SGK3: variants seen among roughly 807,000 people sequenced by gnomAD.
The protein encoded by SGK3 is serum/glucocorticoid regulated kinase family member 3, also known as serine/threonine-protein kinase Sgk3.
A neutral mutation model predicts 68.5 loss-of-function variants in SGK3; 47 were observed. That is an observed-to-expected ratio of 0.69 (90% CI 0.54 to 0.87). The LOEUF (loss-of-function observed/expected upper bound fraction) is 0.87, where lower values mean the gene tolerates loss of function less well. SGK3 is among the 40% of genes least tolerant of loss of function. The pLI is 0.00. For synonymous variants in SGK3, 181 were observed against 189.1 expected (o/e 0.96, Z 0.35); for missense variants, 479 against 575.5 (o/e 0.83, Z 1.72).
intron 1 of SGK3, among the ~76,000 whole-genome samples, chr8:66,726,801 T>TAAAAAAAAA (rs560794837): frequency 7.4e-5 from 6 of 80,978 alleles, no homozygotes; most frequent in East Asian, 3.0e-4. Flanking sequence ...ACCCTGTCTG[T>TAAAAAAAAA]AAAAAAAAAA....
At position 66,723,184 on chromosome 8, in the gene SGK3, G is replaced by A. The variant is rs183885654; in HGVS notation, c.-122+10351G>A. Among the ~76,000 whole-genome samples the A allele has an allele frequency of 7.8e-4, 93 of 119,216 alleles. 1 individual carries two copies. The East Asian group carries it at 0.02, about 25-fold the overall frequency. 78.2% of individuals were successfully genotyped at this position (119,216 alleles called of 152,430 possible). A position where few individuals can be genotyped will look rare whatever the true frequency, so the allele number is the denominator to read the frequency against. ...GGGTCGGCTGGGCACAGCGACTTAC[G>A]CCTGTAATCCCAGCACTTTGGGAGG... On this transcript the variant is annotated intron_variant, in intron 1 of 16. Transcript: ENST00000521198.
intron 16 of SGK3, among the ~76,000 whole-genome samples, chr8:66,851,796 A>G (rs1810299164): frequency 2.0e-5 from 3 of 152,174 alleles, no homozygotes; most frequent in African/African-American, 7.2e-5. Flanking sequence ...ATTGTTAATA[A>G]TCATCAGTAG....
At chr8:66,741,562 T>C (rs1320103266) in intron 1 of SGK3, among the ~76,000 whole-genome samples, 1 of 151,532 alleles carries the variant, frequency 6.6e-6, no homozygotes, top group African/African-American at 2.4e-5. Flanking sequence ...AAAATAATAA[T>C]AATAATAATT....
intron 1 of SGK3, among the ~76,000 whole-genome samples, chr8:66,713,117 C>T (rs1355111772): frequency 1.3e-5 from 2 of 152,194 alleles, no homozygotes; most frequent in African/African-American, 2.4e-5. Context: ...ACTGGGAACG[C>T]CGAGCAGGGA....
chr8:66,746,868 A>C (rs1805669442), intron 1 of SGK3, among the ~76,000 whole-genome samples: 1 of 152,028 alleles, frequency 6.6e-6, no homozygotes, highest in Non-Finnish European at 1.5e-5. Context: ...CCTAAAAAAT[A>C]TATATTTTTT....
At chr8:66,741,395 CA>C (rs1805475559) in intron 1 of SGK3, among the ~76,000 whole-genome samples, 1 of 151,970 alleles carries the variant, frequency 6.6e-6, no homozygotes, top group Middle Eastern at 3.4e-3. Flanking sequence ...ACCAAAAATA[CA>C]AAAAGCTGCA....
At chr8:66,834,752 T>G (rs1809442321) in intron 8 of SGK3, among the ~76,000 whole-genome samples, 3 of 151,424 alleles carry the variant, frequency 2.0e-5, no homozygotes, top group African/African-American at 7.3e-5. Flanking sequence ...GCTAACACAG[T>G]GAAACCCCGT....
intron 15 of SGK3, among the ~76,000 whole-genome samples, chr8:66,847,927 G>A (rs913351229): frequency 1.4e-5 from 2 of 145,386 alleles, no homozygotes; most frequent in Admixed American, 1.4e-4. Context: ...TAGGGAATCT[G>A]CATGTTTGTT....
At chr8:66,792,475 A>G (rs1807505113) in intron 1 of SGK3, among the ~76,000 whole-genome samples, 1 of 152,208 alleles carries the variant, frequency 6.6e-6, no homozygotes, top group Non-Finnish European at 1.5e-5. Context: ...GCTGATATAT[A>G]TTTTAAATCA....
At chr8:66,761,092 G>A (rs1404821409) in intron 1 of SGK3, among the ~76,000 whole-genome samples, 2 of 151,956 alleles carry the variant, frequency 1.3e-5, no homozygotes, top group African/African-American at 4.8e-5. Context: ...CTTTATCAAG[G>A]ACATTCCTTT....
In SGK3 at chr8:66,808,154, C is replaced by A. The variant is rs551550673; in HGVS notation, c.253+3707C>A. On this transcript the variant is annotated intron_variant, in intron 4 of 16. Transcript: ENST00000521198. ...AGGCAAAAGGGGTGGAAGTTAGATG[C>A]CCTTGAATGAATTTTGTTCATACCT... 6.4e-4 allele frequency among the ~76,000 whole-genome samples: 98 copies of A among 152,144 alleles called. 2 individuals are homozygous for A. Among genetic ancestry groups the A allele is most frequent in the Admixed American group, 2.4e-3 (36 of 15,282 alleles).
chr8:66,761,821 A>C (rs757818380), intron 1 of SGK3, among the ~76,000 whole-genome samples: 1 of 152,196 alleles, frequency 6.6e-6, no homozygotes, highest in Non-Finnish European at 1.5e-5. Flanking sequence ...CCTTTTTATT[A>C]TATAAAATTT....
chr8:66,718,768 T>G (rs1385999932), intron 1 of SGK3, among the ~76,000 whole-genome samples: 1 of 152,010 alleles, frequency 6.6e-6, no homozygotes, highest in African/African-American at 2.4e-5. Flanking sequence ...CCTCAGATAA[T>G]CCGCCCACCT....
intron 1 of SGK3, among the ~76,000 whole-genome samples, chr8:66,744,509 ATATATATATATTTT>A (rs1805578277): frequency 4.0e-5 from 1 of 25,082 alleles, no homozygotes; most frequent in Non-Finnish European, 6.7e-5. Flanking sequence ...ATATATATAT[ATATATATATATTTT>A]TTTTTTTTTT....
At chr8:66,785,640 G>C (rs981798553) in intron 1 of SGK3, among the ~76,000 whole-genome samples, 1 of 152,106 alleles carries the variant, frequency 6.6e-6, no homozygotes, top group Admixed American at 6.6e-5. Flanking sequence ...ATTGGCCCCC[G>C]ATGAGAACCA....
At chr8:66,782,638 C>T (rs1807037636) in intron 1 of SGK3, among the ~76,000 whole-genome samples, 1 of 152,198 alleles carries the variant, frequency 6.6e-6, no homozygotes, top group Admixed American at 6.5e-5. Flanking sequence ...CATCGTTTCA[C>T]CCTGTGCCCC....
At chr8:66,730,689 T>TTTTGTTTG (rs111485172) in intron 1 of SGK3, among the ~76,000 whole-genome samples, 3 of 151,678 alleles carry the variant, frequency 2.0e-5, no homozygotes, top group African/African-American at 7.3e-5. Flanking sequence ...CAGCACTGTT[T>TTTTGTTTG]TTTGTTTGTT....
intron 6 of SGK3, among the ~76,000 whole-genome samples, chr8:66,824,257 CAAAT>C (rs1030461042): frequency 2.0e-5 from 3 of 151,806 alleles, no homozygotes; most frequent in African/African-American, 7.3e-5. Flanking sequence ...AGATTTGTAA[CAAAT>C]AAGGCATAAG....
At chr8:66,769,602 C>T (rs1247236759) in intron 1 of SGK3, among the ~76,000 whole-genome samples, 3 of 152,198 alleles carry the variant, frequency 2.0e-5, no homozygotes, top group Non-Finnish European at 4.4e-5. Flanking sequence ...TCTGTAATGT[C>T]TAATCTTCTG....
Sources: allele counts gnomAD v4.1 joint callset (sites outside exome capture counted in the v4.1 genomes callset), GRCh38; gene constraint gnomAD v4.1.1; transcripts MANE v1.5; gene names NCBI Gene and HGNC (gene_info 2026-07-23, HGNC 2026-07-21).